Variants in SNTG1 observed in about 807,000 individuals in gnomAD.
The protein encoded by SNTG1 is gamma-1-syntrophin.
Under a neutral mutation model 74.7 loss-of-function variants are expected in SNTG1, and 39 were observed. That is an observed-to-expected ratio of 0.52 (90% CI 0.40 to 0.68). The LOEUF (loss-of-function observed/expected upper bound fraction) is 0.68, where lower values mean the gene tolerates loss of function less well. Among genes scored for constraint, SNTG1 ranks in the 30% least tolerant of loss-of-function variants. The pLI is 0.00. For synonymous variants in SNTG1, 254 were observed against 217.1 expected (o/e 1.17, Z -1.49); for missense variants, 685 against 609.5 (o/e 1.12, Z -1.30).
chr8:50,182,951 T>G (rs1175579107), intron 2 of SNTG1, among the ~76,000 whole-genome samples: 2 of 152,112 alleles, frequency 1.3e-5, no homozygotes, highest in Non-Finnish European at 2.9e-5. Context: ...ATTCTCCCCT[T>G]TATCCTCAGA....
chr8:50,034,543 G>C (rs1232219417), intron 1 of SNTG1, among the ~76,000 whole-genome samples: 1 of 152,148 alleles, frequency 6.6e-6, no homozygotes. Context: ...ATTGGGGTGG[G>C]GGAGTCTCAG....
rs1428743697 is a variant in SNTG1, at chr8:50,118,773, T to C, written c.-102-53788T>C. ...CACATTGTTTTTCAAATAACAAAATTACCAGCTTTTTATCATTCTAAAGAA... is the reference window on the plus strand; with the variant it reads ...CACATTGTTTTTCAAATAACAAAATCACCAGCTTTTTATCATTCTAAAGAA... On this transcript the variant is annotated intron_variant, in intron 1 of 18. Coordinates refer to ENST00000642720, the MANE Select transcript of SNTG1 (RefSeq NM_018967.5). Among the ~76,000 whole-genome samples the C allele has an allele frequency of 8.4e-5, 12 of 142,884 alleles. 3 individuals are homozygous for C. The Admixed American group carries it at 8.6e-4, about 10-fold the overall frequency. The allele number at this position is 142,884 out of a possible 152,430, so 93.7% of individuals were successfully genotyped here.
At chr8:50,299,995 T>C (rs1453757969) in intron 2 of SNTG1, among the ~76,000 whole-genome samples, 2 of 152,170 alleles carry the variant, frequency 1.3e-5, no homozygotes, top group East Asian at 1.9e-4. Flanking sequence ...GACCAAAGCC[T>C]GTCACATATT....
chr8:50,532,464 C>A (rs1186735263), intron 10 of SNTG1, among the ~76,000 whole-genome samples: 1 of 152,212 alleles, frequency 6.6e-6, no homozygotes, highest in Non-Finnish European at 1.5e-5. Flanking sequence ...TGAGTAGCAG[C>A]ATTCTAGTAA....
chr8:50,483,751 T>G (rs1000075629), intron 8 of SNTG1, among the ~76,000 whole-genome samples: 7 of 152,256 alleles, frequency 4.6e-5, no homozygotes, highest in Non-Finnish European at 8.8e-5. Flanking sequence ...ATTTAGCAAC[T>G]GTATTCTGCA....
chr8:49,920,167 A>C (rs980680695), intron 1 of SNTG1, among the ~76,000 whole-genome samples: 1 of 152,102 alleles, frequency 6.6e-6, no homozygotes, highest in Non-Finnish European at 1.5e-5. Flanking sequence ...TGAAGTTGGA[A>C]CTAGAAGTTT....
chr8:50,453,955 G>A (rs2093479322), intron 8 of SNTG1, among the ~76,000 whole-genome samples: 1 of 152,156 alleles, frequency 6.6e-6, no homozygotes, highest in African/African-American at 2.4e-5. Context: ...GTGAAAAATG[G>A]GGATTCCTTG....
chr8:50,007,266 C>G (rs1466128955), intron 1 of SNTG1, among the ~76,000 whole-genome samples: 3 of 152,118 alleles, frequency 2.0e-5, no homozygotes, highest in African/African-American at 7.2e-5. Context: ...ATATGACATC[C>G]TACTTCTGGG....
intron 17 of SNTG1, among the ~76,000 whole-genome samples, chr8:50,744,839 A>T (rs2095551581): frequency 6.6e-6 from 1 of 152,004 alleles, no homozygotes; most frequent in Non-Finnish European, 1.5e-5. Context: ...AGTAAAACAA[A>T]ATACTCACCT....
chr8:50,614,539 G>A (rs1456451257), intron 13 of SNTG1, among the ~76,000 whole-genome samples: 2 of 151,996 alleles, frequency 1.3e-5, no homozygotes, highest in Non-Finnish European at 2.9e-5. Context: ...ACGTATAGTA[G>A]AATGCTATGA....
At chr8:50,525,063 G>A (rs769585735) in intron 9 of SNTG1, among the ~76,000 whole-genome samples, 19 of 152,042 alleles carry the variant, frequency 1.2e-4, no homozygotes, top group Non-Finnish European at 2.2e-4. Flanking sequence ...AACAGTTCTA[G>A]TGGTGATGAA....
Position 50,739,652 on chromosome 8 carries a change from A to G in SNTG1, c.1285-12349A>G, listed in dbSNP as rs544237730. On this transcript the variant is annotated intron_variant, in intron 17 of 18. Coordinates refer to ENST00000642720, the MANE Select transcript of SNTG1 (RefSeq NM_018967.5). Reference sequence around the variant, plus strand: ...GTTGGGTGCAGCAAACCACCATGGCATGTGTATCCCAGAACTTAAAGTATA... The same window carrying G: ...GTTGGGTGCAGCAAACCACCATGGCGTGTGTATCCCAGAACTTAAAGTATA... Among the ~76,000 whole-genome samples the G allele has an allele frequency of 2.0e-3, 305 of 152,068 alleles. 1 individual carries two copies. The highest frequency in any genetic ancestry group is 3.7e-3 in the Non-Finnish European group (250 of 67,922).
rs572262878 is a variant in SNTG1 at position 50,221,303 on chromosome 8, A to C, written c.-28+48668A>C. Among the ~76,000 whole-genome samples the C allele has an allele frequency of 9.2e-5, 14 of 152,250 alleles. No individual in the cohort carries two copies. In the South Asian group the frequency reaches 2.7e-3, roughly 29 times the overall value. ...AATGCAAGACTTAAAATTAGTTTGAATGTTAAGGAATGTGCAGTAGAGGGA... is the reference window on the plus strand; with the variant it reads ...AATGCAAGACTTAAAATTAGTTTGACTGTTAAGGAATGTGCAGTAGAGGGA... On this transcript the variant is annotated intron_variant, in intron 2 of 18. Transcript: ENST00000642720.
intron 2 of SNTG1, among the ~76,000 whole-genome samples, chr8:50,303,330 G>T (rs955818559): frequency 2.6e-5 from 4 of 151,896 alleles, no homozygotes; most frequent in Admixed American, 1.3e-4. Context: ...ATTTTAGAAT[G>T]TCCTCAGTAC....
intron 2 of SNTG1, among the ~76,000 whole-genome samples, chr8:50,190,299 T>A (rs898430863): frequency 1.3e-5 from 2 of 152,278 alleles, no homozygotes; most frequent in South Asian, 4.1e-4. Context: ...CATATTTTTA[T>A]AGTTATTACC....
chr8:50,137,432 T>G (rs2081510316), intron 1 of SNTG1, among the ~76,000 whole-genome samples: 1 of 152,190 alleles, frequency 6.6e-6, no homozygotes, highest in South Asian at 2.1e-4. Context: ...TATATGGTGC[T>G]TGCTGTGTTT....
chr8:50,790,145 G>A (rs2095686823), intron 18 of SNTG1, among the ~76,000 whole-genome samples: 1 of 151,822 alleles, frequency 6.6e-6, no homozygotes, highest in Non-Finnish European at 1.5e-5. Context: ...TTTCTTGATG[G>A]TAACTGTCAT....
intron 5 of SNTG1, among the ~76,000 whole-genome samples, chr8:50,444,459 AG>A (rs2093386947): frequency 6.6e-6 from 1 of 152,208 alleles, no homozygotes; most frequent in Admixed American, 6.5e-5. Flanking sequence ...CCATCATAAA[AG>A]TAGATAACAG....
At chr8:50,741,495 A>G (rs11986411) in intron 17 of SNTG1, among the ~76,000 whole-genome samples, 56,382 of 151,980 alleles carry the variant, frequency 0.37, 12,071 homozygotes, top group African/African-American at 0.59. Flanking sequence ...ATAACAAAAC[A>G]TACTGTTACC....
Sources: allele counts gnomAD v4.1 joint callset (sites outside exome capture counted in the v4.1 genomes callset), GRCh38; gene constraint gnomAD v4.1.1; transcripts MANE v1.5; gene names NCBI Gene and HGNC (gene_info 2026-07-23, HGNC 2026-07-21).